Variants in SOD2 observed in about 807,000 individuals in gnomAD.
The protein encoded by SOD2 is superoxide dismutase 2, also known as superoxide dismutase [Mn], mitochondrial.
SOD2 carries 11 observed loss-of-function variants against 27.0 expected under a neutral mutation model. The ratio of observed to expected loss-of-function variants is 0.41; its 90% CI spans 0.26 to 0.67. The LOEUF (loss-of-function observed/expected upper bound fraction) is 0.67, where lower values mean the gene tolerates loss of function less well. SOD2 is among the 30% of genes least tolerant of loss of function. SOD2 has a pLI of 0.34. For missense variants in SOD2, 250 were observed against 274.5 expected, an observed-to-expected ratio of 0.91 and a Z score of 0.63; for synonymous variants, 105 against 103.0, an observed-to-expected ratio of 1.02 and a Z score of -0.12.
intron 1 of SOD2, among the ~76,000 whole-genome samples, chr6:159,711,533 C>T (rs1485580519): frequency 9.3e-5 from 12 of 128,476 alleles, no homozygotes. Flanking sequence ...ATAACCACCA[C>T]TCACATTGCT....
rs538940556 is a variant in SOD2, at chr6:159,672,750, C to A, written c.*9743G>T. On this transcript the variant is annotated 3_prime_UTR_variant, in exon 5 of 5. Transcript: ENST00000538183. ...CAAATTCACACATAACAATATTAACCTTAAATGTAAATGGGCTAAATGCTC... is the reference window on the plus strand; with the variant it reads ...CAAATTCACACATAACAATATTAACATTAAATGTAAATGGGCTAAATGCTC... 6.6e-6 allele frequency: 1 copy of A among 152,088 alleles called. No individual in the cohort carries two copies. The highest frequency in any genetic ancestry group is 6.6e-5 in the Admixed American group (1 of 15,234). The allele number at this position is 152,088 out of a possible 1,614,324, so 9.4% of individuals were successfully genotyped here. A position where few individuals can be genotyped will look rare whatever the true frequency, so the allele number is the denominator to read the frequency against.
chr6:159,755,254 T>C, intron 1 of SOD2: 1 of 1,614,168 alleles, frequency 6.2e-7, no homozygotes, highest in Non-Finnish European at 8.5e-7. Flanking sequence ...ACGGACCAAG[T>C]AATGGTAGCT....
exon 1 of SOD2, chr6:159,762,270 C>T (rs1196198962): frequency 3.0e-6 from 4 of 1,313,708 alleles, no homozygotes; most frequent in East Asian, 5.1e-5. Flanking sequence ...CGCGAGGAGC[C>T]GCGGGATCCC....
intron 2 of SOD2, among the ~76,000 whole-genome samples, chr6:159,688,996 C>G (rs12197581): frequency 0.017 from 2,540 of 152,344 alleles, 31 homozygotes; most frequent in Non-Finnish European, 0.024. Flanking sequence ...ACTGGTGCCA[C>G]TATCCCCTCA....
upstream of SOD2, chr6:159,748,561 T>G (rs181566690): frequency 2.2e-6 from 3 of 1,354,310 alleles, no homozygotes; most frequent in Non-Finnish European, 2.9e-6. The surrounding 1 kb of genome is among the most constrained non-coding windows in gnomAD (Gnocchi z 5.6). Context: ...TGTTTCAGCT[T>G]TTTTCTTTTC....
At chr6:159,747,077 A>G (rs1045305111), upstream of SOD2, among the ~76,000 whole-genome samples, 1 of 152,200 alleles carries the variant, frequency 6.6e-6, no homozygotes, top group Non-Finnish European at 1.5e-5. Context: ...ACCACTTAGT[A>G]TATTTGTTCC....
chr6:159,742,203 T>G, intron 1 of SOD2: 1 of 1,400,976 alleles, frequency 7.1e-7, no homozygotes, highest in Admixed American at 2.2e-5. Context: ...ATTGTTAAAA[T>G]CAAAAGGATA....
At chr6:159,735,505 C>T (rs1272333613) in intron 1 of SOD2, among the ~76,000 whole-genome samples, 1 of 152,178 alleles carries the variant, frequency 6.6e-6, no homozygotes, top group Non-Finnish European at 1.5e-5. Flanking sequence ...AATCCCAGCA[C>T]TTTGGGAGGC....
At chr6:159,747,447 C>T (rs192458172), upstream of SOD2, among the ~76,000 whole-genome samples, 2 of 152,232 alleles carry the variant, frequency 1.3e-5, no homozygotes, top group East Asian at 3.9e-4. Context: ...TCCAGCTTTA[C>T]AATTCTATGA....
At chr6:159,731,305 A>G (rs895083829), upstream of SOD2, among the ~76,000 whole-genome samples, 2 of 148,738 alleles carry the variant, frequency 1.3e-5, no homozygotes, top group Non-Finnish European at 3.0e-5. Context: ...TACTACCAAG[A>G]AAAAAAAAAC....
upstream of SOD2, among the ~76,000 whole-genome samples, chr6:159,696,388 C>T (rs1030412351): frequency 3.3e-5 from 5 of 152,062 alleles, no homozygotes; most frequent in South Asian, 2.1e-4. Flanking sequence ...GGTGCGATCT[C>T]GGCTCACTGC....
chr6:159,715,815 G>A (rs1208271535), intron 1 of SOD2, among the ~76,000 whole-genome samples: 3 of 151,268 alleles, frequency 2.0e-5, no homozygotes, highest in East Asian at 1.9e-4. Context: ...TGGGAGTATC[G>A]CTTGAGCCCA....
chr6:159,682,772 T>A, intron 4 of SOD2, 134 bp from the exon 5 acceptor site: 1 of 762,214 alleles, frequency 1.3e-6, no homozygotes. Context: ...TGTTTTTTTA[T>A]ATAAGTAGGA....
At chr6:159,702,281 C>A (rs1034433889) in intron 1 of SOD2, among the ~76,000 whole-genome samples, 2 of 151,754 alleles carry the variant, frequency 1.3e-5, no homozygotes, top group African/African-American at 4.8e-5. Context: ...AAAGCAAGAC[C>A]CTGTCTGTAT....
In SOD2 at chr6:159,742,235, G is replaced by GT. The variant is rs568152318; in HGVS notation, c.-116+2894dup. ...GATAGTTGTTTTTATTAAAGCAAATGTAATTTTTCTCGTGTTTTATTATAA... is the reference window on the plus strand; with the variant it reads ...GATAGTTGTTTTTATTAAAGCAAATGTTAATTTTTCTCGTGTTTTATTATAA... On this transcript the variant is annotated intron_variant, in intron 1 of 3. Transcript: ENST00000537657. 5.2e-4 allele frequency: 604 copies of GT among 1,170,370 alleles called. 4 individuals carry two copies. In the East Asian group the frequency reaches 0.011, roughly 20 times the overall value. 72.5% of individuals were successfully genotyped at this position (1,170,370 alleles called of 1,614,324 possible).
intron 1 of SOD2, among the ~76,000 whole-genome samples, chr6:159,705,207 A>G (rs1777599583): frequency 6.6e-6 from 1 of 152,262 alleles, no homozygotes; most frequent in Admixed American, 6.5e-5. Flanking sequence ...TCTAAAAATC[A>G]GAGCACCTCT....
At chr6:159,742,273 G>C in intron 1 of SOD2, 2 of 724,950 alleles carry the variant, frequency 2.8e-6, no homozygotes, top group Non-Finnish European at 4.5e-6. Context: ...ACTGTACATA[G>C]GCACTGTGTT....
chr6:159,740,708 C>CTT (rs565299103), intron 1 of SOD2, among the ~76,000 whole-genome samples: 36 of 126,614 alleles, frequency 2.8e-4, no homozygotes, highest in Non-Finnish European at 5.8e-4. Flanking sequence ...TTTTTTCTTT[C>CTT]TTTTTTTTTT....
chr6:159,754,778 C>G (rs1397638489), intron 1 of SOD2, among the ~76,000 whole-genome samples: 1 of 152,056 alleles, frequency 6.6e-6, no homozygotes, highest in Non-Finnish European at 1.5e-5. Flanking sequence ...TATTTTCCTT[C>G]TACAGTTGCT....
Sources: allele counts gnomAD v4.1 joint callset (sites outside exome capture counted in the v4.1 genomes callset), GRCh38; gene constraint gnomAD v4.1.1; non-coding constraint Gnocchi (gnomAD v3.1); transcripts MANE v1.5; gene names NCBI Gene and HGNC (gene_info 2026-07-23, HGNC 2026-07-21).